Variants in EIF4B observed in about 807,000 individuals in gnomAD.
The protein encoded by EIF4B is eukaryotic translation initiation factor 4B.
In EIF4B, 8 loss-of-function variants were observed where a neutral mutation model predicts 79.3. That is an observed-to-expected ratio of 0.10 (90% CI 0.06 to 0.18). EIF4B has a LOEUF of 0.18. Among genes scored for constraint, EIF4B ranks in the 10% least tolerant of loss-of-function variants. The pLI, the probability that EIF4B is intolerant of heterozygous loss-of-function variation, is 1.00. For synonymous variants in EIF4B, 238 were observed against 274.7 expected, an observed-to-expected ratio of 0.87 and a Z score of 1.32; for missense variants, 515 against 792.4, an observed-to-expected ratio of 0.65 and a Z score of 4.20.
chr12:53,037,994 G>C (rs1012156745), intron 11 of EIF4B: 2 of 268,768 alleles, frequency 7.4e-6, no homozygotes, highest in Non-Finnish European at 1.4e-5. Context: ...GTGGTGGCAG[G>C]TACCTGTAAT....
rs538930224 is a variant in EIF4B at position 53,024,314 on chromosome 12, A to T, written c.667+1687A>T. Among the ~76,000 whole-genome samples the T allele has an allele frequency of 3.0e-4, 46 of 151,690 alleles. No homozygotes were observed. In the South Asian group the frequency reaches 4.4e-3, roughly 14 times the overall value. On this transcript the variant is annotated intron_variant, in intron 6 of 14. Transcript: ENST00000262056. ...TGTCTGTAATCAAATACTTAATAGC[A>T]TAACAACAGGGATAAAATTCAAAAC...
Position 53,033,730 on chromosome 12 carries a change from TA to T in EIF4B, c.980-75del. On this transcript the variant is annotated intron_variant, in intron 8 of 14. Transcript: ENST00000262056. ...CTCATGTAGCATTTCATAGGAGTTA[TA>T]TCTGAGAAATCTGGCTTTCAGCCAT... 3.5e-6 allele frequency: 5 copies of T among 1,445,046 alleles called. No homozygotes were observed. In the African/African-American group the frequency reaches 5.7e-5, roughly 16 times the overall value. The allele number at this position is 1,445,046 out of a possible 1,614,324, so 89.5% of individuals were successfully genotyped here.
chr12:53,012,439 C>T (rs962156696), intron 1 of EIF4B, among the ~76,000 whole-genome samples: 9 of 151,258 alleles, frequency 6.0e-5, no homozygotes, highest in South Asian at 2.1e-4. Flanking sequence ...CGGTAATCCT[C>T]GCTACTTGGG....
chr12:53,034,437 A>G (rs1943502211), intron 9 of EIF4B, among the ~76,000 whole-genome samples, 175 bp from the exon 10 acceptor site: 1 of 152,226 alleles, frequency 6.6e-6, no homozygotes, highest in Non-Finnish European at 1.5e-5. Flanking sequence ...TGAAGTATTT[A>G]GGGCCAAAGT....
intron 4 of EIF4B, 47 bp from the exon 5 acceptor site, chr12:53,021,757 TTG>T (rs1943250182): frequency 6.2e-7 from 1 of 1,609,428 alleles, no homozygotes; most frequent in African/African-American, 1.3e-5. Context: ...CTCAAGGGAT[TTG>T]TGCATAATGG....
At chr12:53,019,042 G>A in intron 3 of EIF4B, 36 bp downstream of exon 3, 1 of 1,596,372 alleles carries the variant, frequency 6.3e-7, no homozygotes, top group Non-Finnish European at 8.6e-7. Flanking sequence ...ACTAGATATT[G>A]AGGATAATGT....
chr12:53,023,686 C>T (rs573515227), intron 6 of EIF4B, among the ~76,000 whole-genome samples: 42 of 143,952 alleles, frequency 2.9e-4, no homozygotes, highest in African/African-American at 1.0e-3. Context: ...TAGGTTCAAG[C>T]GATTCTCCTG....
intron 2 of EIF4B, among the ~76,000 whole-genome samples, chr12:53,017,336 T>G (rs1390974972): frequency 6.6e-6 from 1 of 152,048 alleles, no homozygotes; most frequent in Admixed American, 6.6e-5. Flanking sequence ...CCAGGTGTCA[T>G]TAGTATAAAA....
At chr12:53,020,077 T>A (rs1592218605) in intron 4 of EIF4B, 51 bp downstream of exon 4, 4 of 1,460,774 alleles carry the variant, frequency 2.7e-6, no homozygotes, top group Non-Finnish European at 1.9e-6. Flanking sequence ...ACAAATCTCA[T>A]GTTTATTGAT....
At chr12:53,011,667 A>G (rs1183717520) in intron 1 of EIF4B, among the ~76,000 whole-genome samples, 1 of 152,240 alleles carries the variant, frequency 6.6e-6, no homozygotes, top group Non-Finnish European at 1.5e-5. Flanking sequence ...TATTTATTTT[A>G]GTATCTATTA....
chr12:53,006,456 CTT>C lies in EIF4B; in HGVS notation c.-25_-24del, dbSNP rs762042473. 1 of 1,613,144 alleles carries C rather than the reference CTT, an allele frequency of 6.2e-7. No individual in the cohort carries two copies. Among genetic ancestry groups the C allele is most frequent in the South Asian group, 1.1e-5 (1 of 91,072 alleles). On this transcript the variant is annotated 5_prime_UTR_variant, in exon 1 of 15. Transcript: ENST00000262056. ...AATCACGTGATTGCCTCATCCGGGT[CTT>C]TTGCGTTCTCTTTCCCTCTCCCAAC...
At chr12:53,023,259 G>T (rs1266440982) in intron 6 of EIF4B, among the ~76,000 whole-genome samples, 1 of 152,224 alleles carries the variant, frequency 6.6e-6, no homozygotes, top group Non-Finnish European at 1.5e-5. Context: ...TTGAGACGGA[G>T]TCTCGCTGTG....
intron 12 of EIF4B, 105 bp from the exon 13 acceptor site, chr12:53,039,133 C>T: frequency 1.3e-6 from 1 of 781,674 alleles, no homozygotes; most frequent in Non-Finnish European, 2.1e-6. Flanking sequence ...GTTAGTTTCC[C>T]TCAGTACATG....
chr12:53,020,146 A>T (rs1343327122), intron 4 of EIF4B, 120 bp downstream of exon 4: 1 of 755,900 alleles, frequency 1.3e-6, no homozygotes, highest in African/African-American at 1.8e-5. Context: ...TCTACAAATA[A>T]AGGCCTGCAT....
At position 53,019,936 on chromosome 12, in the gene EIF4B, A is replaced by C. The variant is rs763607113; in HGVS notation, c.387A>C (p.Glu129Asp). The C allele has an allele frequency of 6.2e-7, 1 of 1,612,208 alleles. No homozygotes were observed. The highest frequency in any genetic ancestry group is 1.1e-5 in the South Asian group (1 of 90,616). Residue 129 changes from glutamate (E) to aspartate (D), a missense_variant, in exon 4 of 15, where the codon GAA (glutamate) becomes GAC (aspartate). This residue lies in a region of EIF4B where 105 missense variants were observed against 177.2 expected (regional missense o/e 0.59). Transcript: ENST00000262056. ...LNISAVRLPREPSNPERLKGF... is the reference protein window; with the variant it reads ...LNISAVRLPRDPSNPERLKGF... ...TCAGTGCAGTGCGTTTACCACGTGAACCCAGCAATCCAGAGAGGTTGAAAG... is the reference window on the plus strand; with the variant it reads ...TCAGTGCAGTGCGTTTACCACGTGACCCCAGCAATCCAGAGAGGTTGAAAG...
At chr12:53,028,295 C>T (rs1943375698) in intron 8 of EIF4B, 107 bp downstream of exon 8, 21 of 1,407,238 alleles carry the variant, frequency 1.5e-5, no homozygotes, top group Non-Finnish European at 1.9e-5. Context: ...ATAATTTGCA[C>T]ATTGTACAGG....
At chr12:53,019,310 A>T (rs1260801694) in intron 3 of EIF4B, among the ~76,000 whole-genome samples, 1 of 151,872 alleles carries the variant, frequency 6.6e-6, no homozygotes, top group Non-Finnish European at 1.5e-5. Context: ...GAGGTAGGAG[A>T]ATTGCTTGAA....
chr12:53,030,405 A>ATTCTTTTTTTTTTTTT (rs1352411105), intron 8 of EIF4B, among the ~76,000 whole-genome samples: 1 of 62,916 alleles, frequency 1.6e-5, no homozygotes, highest in Non-Finnish European at 4.6e-5. Flanking sequence ...GTTTTAAAAA[A>ATTCTTTTTTTTTTTTT]TTATATTCTT....
intron 6 of EIF4B, among the ~76,000 whole-genome samples, chr12:53,026,340 A>C (rs879895588): frequency 6.6e-6 from 1 of 152,180 alleles, no homozygotes; most frequent in African/African-American, 2.4e-5. Context: ...ACAGTTTGCT[A>C]TCTGAGCTAC....
Sources: allele counts gnomAD v4.1 joint callset (sites outside exome capture counted in the v4.1 genomes callset), GRCh38; gene constraint gnomAD v4.1.1; regional missense constraint gnomAD v4.1.1; transcripts MANE v1.5; gene names NCBI Gene and HGNC (gene_info 2026-07-23, HGNC 2026-07-21).